The following SPRTN variants were observed in gnomAD, a reference collection of about 807,000 sequenced individuals.
The protein encoded by SPRTN is DNA-dependent metalloprotease SPRTN.
In SPRTN, 11 loss-of-function variants were observed where a neutral mutation model predicts 31.9. The observed-to-expected ratio is 0.34, with a 90% CI of 0.22 to 0.57. The LOEUF is 0.57. Ranked by LOEUF, SPRTN falls within the 20% of genes least tolerant of loss-of-function variation. SPRTN has a pLI of 0.86. For missense variants in SPRTN, 482 were observed against 590.1 expected, an observed-to-expected ratio of 0.82 and a Z score of 1.90; for synonymous variants, 185 against 212.1, an observed-to-expected ratio of 0.87 and a Z score of 1.11.
chr1:231,348,825 A>G (rs1307860523), intron 3 of SPRTN, among the ~76,000 whole-genome samples: 2 of 152,190 alleles, frequency 1.3e-5, no homozygotes, highest in East Asian at 1.9e-4. Flanking sequence ...GCCCATCTTT[A>G]TAGTACATCT....
chr1:231,343,327 A>G (rs553391332), intron 2 of SPRTN, among the ~76,000 whole-genome samples: 94 of 148,808 alleles, frequency 6.3e-4, no homozygotes, highest in Middle Eastern at 3.5e-3. Flanking sequence ...AGGTGTGTGT[A>G]TATATATATA....
chr1:231,344,929 T>C (rs1490532974), intron 2 of SPRTN, among the ~76,000 whole-genome samples: 2 of 152,164 alleles, frequency 1.3e-5, no homozygotes, highest in Non-Finnish European at 2.9e-5. Flanking sequence ...CACAAAGATG[T>C]CTTGTTCAGT....
intron 1 of SPRTN, chr1:231,339,417 G>A (rs1411991982): frequency 1.6e-5 from 8 of 486,880 alleles, no homozygotes; most frequent in Non-Finnish European, 2.7e-5. Context: ...TAGGGCAAGG[G>A]GAGCTGCAGT....
chr1:231,339,539 A>G, intron 1 of SPRTN: 1 of 726,334 alleles, frequency 1.4e-6, no homozygotes, highest in Non-Finnish European at 2.4e-6. Context: ...CAGGGTGGTG[A>G]GAGCACGCTG....
intron 3 of SPRTN, among the ~76,000 whole-genome samples, chr1:231,348,212 T>C (rs952016413): frequency 1.3e-5 from 2 of 152,188 alleles, no homozygotes; most frequent in African/African-American, 4.8e-5. Flanking sequence ...TCTCTTAACT[T>C]TGTTTCCTTA....
chr1:231,348,266 G>A (rs1277951348), intron 3 of SPRTN, among the ~76,000 whole-genome samples: 1 of 152,194 alleles, frequency 6.6e-6, no homozygotes, highest in East Asian at 1.9e-4. Flanking sequence ...TACCATTGCA[G>A]ATGTCATTCC....
At position 231,350,555 on chromosome 1, in the gene SPRTN, A is replaced by C. The variant is rs148748056; in HGVS notation, c.451-749A>C. On this transcript the variant is annotated intron_variant, in intron 3 of 4. Coordinates refer to ENST00000295050, the MANE Select transcript of SPRTN (RefSeq NM_032018.7). ...GCATCCTACTTAAGGCCTGAAAAGC[A>C]CACTTCAGAGAATTTTATTTGACTC... is the stretch of plus-strand genomic sequence containing the variant. Among the ~76,000 whole-genome samples the C allele has an allele frequency of 7.2e-4, 110 of 152,228 alleles. No homozygotes were observed. The East Asian group carries it at 0.018, about 24-fold the overall frequency.
At chr1:231,339,649 G>T in intron 1 of SPRTN, 120 bp from the exon 2 acceptor site, 1 of 1,007,026 alleles carries the variant, frequency 9.9e-7, no homozygotes. Flanking sequence ...TGCTAACCAA[G>T]GGGGGTATAC....
Position 231,351,304 on chromosome 1 carries a change from G to A in SPRTN, c.451G>A (p.Val151Ile). 1 of 1,595,380 alleles carries A rather than the reference G, an allele frequency of 6.3e-7. No homozygotes were observed. Among genetic ancestry groups the A allele is most frequent in the Non-Finnish European group, 8.6e-7 (1 of 1,168,914 alleles). The change falls in exon 4 of 5, where the codon GTA (valine) becomes ATA (isoleucine). Residue 151 changes from valine (V) to isoleucine (I), a missense_variant and splice_region_variant. Transcript: ENST00000295050. Reference protein sequence around the residue: ...INSLTGANITVYHTFHDEVDE... With the variant: ...INSLTGANITIYHTFHDEVDE... The stretch of plus-strand genomic sequence containing the variant: ...TACTAAAAATTCTGTCTCCACTCAG[G>A]TATACCATACTTTTCACGATGAGGT...
In SPRTN at chr1:231,339,611, C is replaced by CTAATTAGG. The variant is rs1010332142; in HGVS notation, c.222-152_222-151insGGTAATTA. 14 of 840,524 alleles carry CTAATTAGG rather than the reference C, an allele frequency of 1.7e-5. No homozygotes were observed. In the Admixed American group the frequency reaches 2.5e-4, roughly 15 times the overall value. 52.1% of individuals were successfully genotyped at this position (840,524 alleles called of 1,614,324 possible). ...CGGGAGGCGCCCGCGGGGGTTGTAA[C>CTAATTAGG]TAATTAATTAGGTGAAATGCAAGTA... On this transcript the variant is annotated intron_variant, in intron 1 of 4. Coordinates refer to ENST00000295050, the MANE Select transcript of SPRTN (RefSeq NM_032018.7).
At chr1:231,347,984 G>T in intron 3 of SPRTN, 59 bp downstream of exon 3, 1 of 1,563,938 alleles carries the variant, frequency 6.4e-7, no homozygotes. Flanking sequence ...TAACTCCTGA[G>T]ATTTAATTAA....
rs183620537 is a variant in SPRTN at position 231,354,563 on chromosome 1, C to T, written c.*1202C>T. ...CTGTTCCCAGTTGATACCCATGACC[C>T]TCACCACCTCCAGAGGTCCCCACTG... On this transcript the variant is annotated 3_prime_UTR_variant, in exon 5 of 5. Coordinates refer to ENST00000295050, the MANE Select transcript of SPRTN (RefSeq NM_032018.7). 3.8e-5 allele frequency: 7 copies of T among 182,092 alleles called. No homozygotes were observed. The highest frequency in any genetic ancestry group is 1.7e-4 in the African/African-American group (7 of 42,138). 11.3% of individuals were successfully genotyped at this position (182,092 alleles called of 1,614,324 possible).
chr1:231,339,435 T>C (rs1686793547), intron 1 of SPRTN: 2 of 519,734 alleles, frequency 3.8e-6, no homozygotes, highest in Admixed American at 3.1e-5. Context: ...AGTTGGGCCA[T>C]GTGGTCCGCA....
chr1:231,351,754 T>A lies in SPRTN; in HGVS notation c.718+183T>A, dbSNP rs925324648. On this transcript the variant is annotated intron_variant, in intron 4 of 4. Transcript: ENST00000295050. ...GAAATGATGGTAGGAAAACAGACTT[T>A]GCTCTGTACAGAAGTAAGTAAAAGT... The A allele has an allele frequency of 7.4e-5, 105 of 1,412,756 alleles. No homozygotes were observed. In the African/African-American group the frequency reaches 1.4e-3, roughly 18 times the overall value. 87.5% of individuals were successfully genotyped at this position (1,412,756 alleles called of 1,614,324 possible). A position where few individuals can be genotyped will look rare whatever the true frequency, so the allele number is the denominator to read the frequency against.
Position 231,351,526 on chromosome 1 carries a change from A to G in SPRTN, c.673A>G (p.Lys225Glu). ...PENYSKKGKG[K>E]AKLGKEPVLA... ...GAATTACTCAAAAAAAGGCAAAGGAAAGGCAAAACTAGGAAAGGAACCAGT... is the reference window on the plus strand; with the variant it reads ...GAATTACTCAAAAAAAGGCAAAGGAGAGGCAAAACTAGGAAAGGAACCAGT... The change falls in exon 4 of 5, where the codon AAG (lysine) becomes GAG (glutamate). Residue 225 changes from lysine to glutamate, a missense_variant. Transcript: ENST00000295050. The G allele has an allele frequency of 6.2e-7, 1 of 1,614,226 alleles. No homozygotes were observed. The highest frequency in any genetic ancestry group is 8.5e-7 in the Non-Finnish European group (1 of 1,180,036).
At chr1:231,351,893 C>T (rs1687250884) in intron 4 of SPRTN, 1 of 1,024,482 alleles carries the variant, frequency 9.8e-7, no homozygotes, top group African/African-American at 1.7e-5. Context: ...CTTTCCCTAT[C>T]TTGACTCACT....
chr1:231,343,264 C>G (rs935500186), intron 2 of SPRTN, among the ~76,000 whole-genome samples: 1 of 151,690 alleles, frequency 6.6e-6, no homozygotes, highest in Non-Finnish European at 1.5e-5. Flanking sequence ...TATATATACC[C>G]TATAGCCTAG....
intron 2 of SPRTN, among the ~76,000 whole-genome samples, chr1:231,341,015 G>T (rs1029704919): frequency 6.6e-6 from 1 of 151,974 alleles, no homozygotes. Context: ...TTTTACCACA[G>T]TTTGTTTAAA....
intron 2 of SPRTN, among the ~76,000 whole-genome samples, chr1:231,343,209 G>T (rs1016437146): frequency 6.6e-6 from 1 of 151,704 alleles, no homozygotes; most frequent in African/African-American, 2.4e-5. Context: ...TATAGCCTAG[G>T]TATATACACT....
Sources: allele counts gnomAD v4.1 joint callset (sites outside exome capture counted in the v4.1 genomes callset), GRCh38; gene constraint gnomAD v4.1.1; transcripts MANE v1.5; gene names NCBI Gene and HGNC (gene_info 2026-07-23, HGNC 2026-07-21).